The following KAZN variants were observed in gnomAD, a reference collection of about 807,000 sequenced individuals.
KAZN encodes kazrin, periplakin interacting protein.
In KAZN, 40 loss-of-function variants were observed where a neutral mutation model predicts 87.4. The observed-to-expected ratio is 0.46, with a 90% CI of 0.36 to 0.60. The LOEUF is 0.60. Among genes scored for constraint, KAZN ranks in the 20% least tolerant of loss-of-function variants. The pLI, the probability that KAZN is intolerant of heterozygous loss-of-function variation, is 0.00. For missense variants in KAZN, 898 were observed against 1,073.9 expected, an observed-to-expected ratio of 0.84 and a Z score of 2.29; for synonymous variants, 466 against 458.3, an observed-to-expected ratio of 1.02 and a Z score of -0.22.
At position 14,713,775 on chromosome 1, in the gene KAZN, C is replaced by CAA. The variant is rs58947119; in HGVS notation, c.226+114576_226+114577dup. On this transcript the variant is annotated intron_variant, in intron 1 of 14. Coordinates refer to ENST00000376030, the MANE Select transcript of KAZN (RefSeq NM_201628.3). ...ACAACAAAACGAGACCTCATCTCTA[C>CAA]AAAAAAAAAAAAAAAAAAAAAAAAA... Among the ~76,000 whole-genome samples, 102 of 94,598 alleles carry CAA rather than the reference C, an allele frequency of 1.1e-3. 2 individuals are homozygous for CAA. The highest frequency in any genetic ancestry group is 2.2e-3 in the African/African-American group (46 of 21,210). The allele number at this position is 94,598 out of a possible 152,430, so 62.1% of individuals were successfully genotyped here.
At chr1:14,725,803 G>A (rs191283848) in intron 1 of KAZN, among the ~76,000 whole-genome samples, 1 of 152,312 alleles carries the variant, frequency 6.6e-6, no homozygotes, top group East Asian at 1.9e-4. Context: ...TGCAGATCCT[G>A]GTTCAATAGG....
intron 2 of KAZN, among the ~76,000 whole-genome samples, chr1:14,219,733 T>G (rs1647051042): frequency 6.6e-6 from 1 of 152,194 alleles, no homozygotes; most frequent in Admixed American, 6.5e-5. Context: ...GTCTGGGAGA[T>G]TAGCAAAAAC....
At chr1:14,414,591 A>G (rs779876831) in intron 2 of KAZN, among the ~76,000 whole-genome samples, 1 of 152,038 alleles carries the variant, frequency 6.6e-6, no homozygotes, top group Non-Finnish European at 1.5e-5. Flanking sequence ...AAGAAATGTA[A>G]AACAATCTTG....
At chr1:14,499,573 T>G (rs187691431) in intron 2 of KAZN, among the ~76,000 whole-genome samples, 1 of 152,212 alleles carries the variant, frequency 6.6e-6, no homozygotes, top group Non-Finnish European at 1.5e-5. Flanking sequence ...GCAGTCTAAC[T>G]GGGTTAGATG....
chr1:14,318,356 C>T (rs1655800796), intron 2 of KAZN, among the ~76,000 whole-genome samples: 1 of 151,940 alleles, frequency 6.6e-6, no homozygotes, highest in Non-Finnish European at 1.5e-5. Context: ...TTTCTTTCTG[C>T]TCTTTAAAAA....
chr1:14,512,309 G>A (rs1670948281), intron 2 of KAZN, among the ~76,000 whole-genome samples: 1 of 152,132 alleles, frequency 6.6e-6, no homozygotes, highest in South Asian at 2.1e-4. Flanking sequence ...GATATTTGGG[G>A]CTGGATCATT....
chr1:15,046,134 C>T (rs1245003383), intron 4 of KAZN, among the ~76,000 whole-genome samples: 4 of 152,128 alleles, frequency 2.6e-5, no homozygotes, highest in South Asian at 2.1e-4. Flanking sequence ...CTTGTCTCTA[C>T]TAAAAATACA....
At position 14,892,376 on chromosome 1, in the gene KAZN, C is replaced by T. The variant is rs571870602; in HGVS notation, c.227-68308C>T. Among the ~76,000 whole-genome samples the T allele has an allele frequency of 3.3e-5, 5 of 152,234 alleles. No individual in the cohort carries two copies. The South Asian group carries it at 1.0e-3, about 32-fold the overall frequency. The stretch of plus-strand genomic sequence containing the variant: ...ATCTGTCTTTCAGAGGCATCTCTCT[C>T]TCTTTTTCCCTCTCTCTCTCCTTTT... On this transcript the variant is annotated intron_variant, in intron 1 of 14. Transcript: ENST00000376030.
chr1:13,978,362 T>C (rs1638480246), intron 1 of KAZN, among the ~76,000 whole-genome samples: 1 of 151,852 alleles, frequency 6.6e-6, no homozygotes, highest in African/African-American at 2.4e-5. Context: ...AAGAAAGATC[T>C]ATAGTGATCC....
intron 1 of KAZN, among the ~76,000 whole-genome samples, chr1:13,942,663 G>A (rs1389796923): frequency 1.3e-5 from 2 of 151,130 alleles, no homozygotes; most frequent in Admixed American, 1.3e-4. Context: ...TCTCAGGCAC[G>A]CTAGGAAATA....
chr1:14,323,762 T>A (rs1482010521), intron 2 of KAZN, among the ~76,000 whole-genome samples: 1 of 152,180 alleles, frequency 6.6e-6, no homozygotes, highest in East Asian at 1.9e-4. Flanking sequence ...CTTGGCAGGA[T>A]CTTTATTAGA....
intron 13 of KAZN, among the ~76,000 whole-genome samples, chr1:15,110,658 G>A (rs1641572078): frequency 6.6e-6 from 1 of 152,138 alleles, no homozygotes; most frequent in African/African-American, 2.4e-5. Flanking sequence ...CCATGCCAAC[G>A]CTAAGGCACT....
chr1:14,801,907 A>T (rs901213514), intron 1 of KAZN, among the ~76,000 whole-genome samples: 2 of 151,908 alleles, frequency 1.3e-5, no homozygotes, highest in African/African-American at 4.8e-5. Context: ...TATGGTGTCT[A>T]TCTCCTGACC....
At chr1:13,958,960 C>A (rs1641652311) in intron 1 of KAZN, among the ~76,000 whole-genome samples, 1 of 152,060 alleles carries the variant, frequency 6.6e-6, no homozygotes, top group Non-Finnish European at 1.5e-5. Context: ...TGTGAACATC[C>A]ATCCCACCCA....
At chr1:14,986,663 G>A (rs1037307665) in intron 2 of KAZN, among the ~76,000 whole-genome samples, 1 of 152,052 alleles carries the variant, frequency 6.6e-6, no homozygotes, top group Non-Finnish European at 1.5e-5. Flanking sequence ...AGAACCAAAA[G>A]GGAATAACCT....
chr1:14,414,711 T>C (rs561875964), intron 2 of KAZN, among the ~76,000 whole-genome samples: 2 of 151,858 alleles, frequency 1.3e-5, no homozygotes, highest in Admixed American at 6.6e-5. Flanking sequence ...CTGGGAGAGT[T>C]GGAGGAGAAT....
At chr1:13,996,390 G>A (rs114240340) in intron 1 of KAZN, among the ~76,000 whole-genome samples, 4 of 152,142 alleles carry the variant, frequency 2.6e-5, no homozygotes, top group African/African-American at 4.8e-5. Flanking sequence ...TGAGCTCCTC[G>A]AGGGAGGAGC....
intron 1 of KAZN, among the ~76,000 whole-genome samples, chr1:14,133,384 AGAAAGAAAGAAAGAAAGAAAGAAAGAAAG>A (rs1645038370): frequency 1.4e-4 from 4 of 27,876 alleles, no homozygotes; most frequent in Admixed American, 5.9e-4. Flanking sequence ...AAAAAAAGAA[AGAAAGAAAGAAAGAAAGAAAGAAAGAAAG>A]AAAGAAAGAA....
intron 1 of KAZN, among the ~76,000 whole-genome samples, chr1:14,630,394 A>G (rs1446351853): frequency 3.9e-5 from 6 of 152,244 alleles, no homozygotes; most frequent in African/African-American, 1.4e-4. Flanking sequence ...TGTATACTCA[A>G]CTATGAAGAT....
Sources: allele counts gnomAD v4.1 joint callset (sites outside exome capture counted in the v4.1 genomes callset), GRCh38; gene constraint gnomAD v4.1.1; transcripts MANE v1.5; gene names NCBI Gene and HGNC (gene_info 2026-07-23, HGNC 2026-07-21).